ABL1: variants seen among roughly 807,000 people sequenced by gnomAD.
ABL1 encodes tyrosine-protein kinase ABL1.
Under a neutral mutation model 94.7 loss-of-function variants are expected in ABL1, and 11 were observed. That is an observed-to-expected ratio of 0.12 (90% CI 0.07 to 0.19). ABL1 has a LOEUF of 0.19. ABL1 is among the 10% of genes least tolerant of loss of function. The probability of loss-of-function intolerance (pLI) is 1.00; values close to 1 mark genes in which losing one functional copy is unlikely to be tolerated. For synonymous variants in ABL1, 656 were observed against 622.4 expected (o/e 1.05, Z -0.80); for missense variants, 1,082 against 1,489.4 (o/e 0.73, Z 4.50).
intron 1 of ABL1, among the ~76,000 whole-genome samples, chr9:130,716,072 CTTTTTT>C (rs71389339): frequency 1.7e-3 from 156 of 91,108 alleles, no homozygotes; most frequent in African/African-American, 5.2e-3. Context: ...GAAAAATGTC[CTTTTTT>C]TTTTTTTTTT....
chr9:130,864,922 T>G (rs775347524), intron 4 of ABL1, among the ~76,000 whole-genome samples: 7 of 152,186 alleles, frequency 4.6e-5, no homozygotes, highest in Non-Finnish European at 7.3e-5. Context: ...TTTCAACCAG[T>G]AAAAGCTTGT....
chr9:130,883,655 C>G (rs778004395), intron 10 of ABL1, among the ~76,000 whole-genome samples: 2 of 152,230 alleles, frequency 1.3e-5, no homozygotes, highest in South Asian at 4.2e-4. Flanking sequence ...AAAACGATGA[C>G]AAGGCCAAGC....
rs774292059 is a variant in ABL1, at chr9:130,854,159, A to C, written c.175A>C (p.Ser59Arg). 1 of 1,614,200 alleles carries C rather than the reference A, an allele frequency of 6.2e-7. No homozygotes were observed. Among genetic ancestry groups the C allele is most frequent in the South Asian group, 1.1e-5 (1 of 91,078 alleles). Residue 59 changes from serine (S) to arginine (R), a missense_variant, in exon 2 of 11, where the codon AGT becomes CGT. Ser to Arg is a moderately radical substitution (Grantham distance 110, BLOSUM62 -1). Transcript: ENST00000318560. ...CAAGGAAAACCTTCTCGCTGGACCCAGTGAAAATGACCCCAACCTTTTCGT... is the reference window on the plus strand; with the variant it reads ...CAAGGAAAACCTTCTCGCTGGACCCCGTGAAAATGACCCCAACCTTTTCGT... ...NSKENLLAGP[S>R]ENDPNLFVAL... is the part of the protein sequence containing the mutation.
At chr9:130,774,782 G>T (rs960379526) in intron 1 of ABL1, among the ~76,000 whole-genome samples, 1 of 152,090 alleles carries the variant, frequency 6.6e-6, no homozygotes, top group Non-Finnish European at 1.5e-5. Context: ...GGAGGTTGAA[G>T]CCGAAGCTGA....
rs34603706 is a variant in ABL1 at position 130,785,873 on chromosome 9, A to G, written c.137-68191A>G. Among the ~76,000 whole-genome samples, 1,258 of 144,142 alleles carry G rather than the reference A, an allele frequency of 8.7e-3. 19 individuals are homozygous for G. The highest frequency in any genetic ancestry group is 0.027 in the African/African-American group (1,051 of 38,870). 94.6% of individuals were successfully genotyped at this position (144,142 alleles called of 152,430 possible). ...GGGAGATGGTGGCTGCAGTGAGCTG[A>G]GATCGTGCCACTGCACTCCAGTCTG... On this transcript the variant is annotated intron_variant, in intron 1 of 10. Transcript: ENST00000372348.
At chr9:130,844,755 C>T (rs1588263829) in intron 1 of ABL1, among the ~76,000 whole-genome samples, 1 of 152,072 alleles carries the variant, frequency 6.6e-6, no homozygotes, top group Non-Finnish European at 1.5e-5. Flanking sequence ...GAGCCAAGAT[C>T]GCGCCACCGC....
chr9:130,732,253 T>C, intron 1 of ABL1, among the ~76,000 whole-genome samples: 1 of 152,116 alleles, frequency 6.6e-6, no homozygotes. Flanking sequence ...AGGAACAACA[T>C]AGCCAACAAA....
chr9:130,857,049 G>A (rs966314514), intron 3 of ABL1, among the ~76,000 whole-genome samples: 7 of 152,176 alleles, frequency 4.6e-5, no homozygotes, highest in African/African-American at 7.2e-5. Context: ...TACCCTTACT[G>A]TATGTAACGC....
intron 1 of ABL1, among the ~76,000 whole-genome samples, chr9:130,845,986 C>T (rs999594651): frequency 6.6e-6 from 1 of 152,106 alleles, no homozygotes; most frequent in Non-Finnish European, 1.5e-5. Flanking sequence ...TTACGTCTTT[C>T]CCCCACTGCC....
intron 1 of ABL1, among the ~76,000 whole-genome samples, chr9:130,774,661 A>AAAAAAC (rs1564286706): frequency 6.6e-6 from 1 of 152,082 alleles, no homozygotes; most frequent in Non-Finnish European, 1.5e-5. Context: ...TCATCTGTTA[A>AAAAAAC]AAAAACAAAA....
Position 130,874,900 on chromosome 9 carries a change from A to G in ABL1, c.1118A>G (p.Glu373Gly), listed in dbSNP as rs2133003045. Reference sequence around the variant, plus strand: ...GCTGCCCGAAACTGCCTGGTAGGGGAGAACCACTTGGTGAAGGTAGCTGAT... The same window carrying G: ...GCTGCCCGAAACTGCCTGGTAGGGGGGAACCACTTGGTGAAGGTAGCTGAT... ...DLAARNCLVGENHLVKVADFG... is the reference protein window; with the variant it reads ...DLAARNCLVGGNHLVKVADFG... Residue 373 changes from glutamate to glycine, a missense_variant, in exon 7 of 11, where the codon GAG (glutamate) becomes GGG (glycine). By Grantham distance (98) the Glu-to-Gly change is moderately conservative. This residue lies in a region of ABL1 where 76 missense variants were observed against 177.1 expected (regional missense o/e 0.43). Transcript: ENST00000318560. 3 of 1,614,162 alleles carry G rather than the reference A, an allele frequency of 1.9e-6. No homozygotes were observed. Among genetic ancestry groups the G allele is most frequent in the Non-Finnish European group, 2.5e-6 (3 of 1,180,024 alleles).
At chr9:130,760,024 CTCT>C (rs1465102018) in intron 1 of ABL1, among the ~76,000 whole-genome samples, 4 of 140,634 alleles carry the variant, frequency 2.8e-5, no homozygotes, top group African/African-American at 1.1e-4. Context: ...CCAGGCTGGC[CTCT>C]AACTCCTGGG....
At chr9:130,757,843 G>A (rs1832060896) in intron 1 of ABL1, among the ~76,000 whole-genome samples, 2 of 151,480 alleles carry the variant, frequency 1.3e-5, no homozygotes, top group Admixed American at 1.3e-4. Context: ...GCCCGGCCAG[G>A]CATTTTTTTT....
chr9:130,733,519 C>T (rs943029405), intron 1 of ABL1, among the ~76,000 whole-genome samples: 2 of 151,508 alleles, frequency 1.3e-5, no homozygotes, highest in African/African-American at 4.9e-5. Context: ...CTCCTGCCTC[C>T]GCCTCTCAGG....
chr9:130,725,727 T>C (rs192002535), intron 1 of ABL1, among the ~76,000 whole-genome samples: 20 of 152,024 alleles, frequency 1.3e-4, no homozygotes, highest in Admixed American at 9.8e-4. Context: ...TGTATCAGAA[T>C]TTCTTCTTTT....
At chr9:130,839,977 C>T (rs752012142) in intron 1 of ABL1, among the ~76,000 whole-genome samples, 1 of 152,156 alleles carries the variant, frequency 6.6e-6, no homozygotes, top group African/African-American at 2.4e-5. Flanking sequence ...CTTGGTGTTC[C>T]CATTTCTAAA....
chr9:130,778,283 G>A, intron 1 of ABL1, among the ~76,000 whole-genome samples: 1 of 146,510 alleles, frequency 6.8e-6, no homozygotes, highest in Admixed American at 6.8e-5. Flanking sequence ...GAACCTCTCA[G>A]GGCTTTGTGT....
chr9:130,885,416 C>T lies in ABL1; in HGVS notation c.3126C>T (p.Ala1042=), dbSNP rs767958727. The T allele has an allele frequency of 2.5e-6, 4 of 1,613,712 alleles. 1 individual carries two copies. The South Asian group carries it at 4.4e-5, about 18-fold the overall frequency. The change falls in exon 11 of 11, where the codon GCC becomes GCT. Residue 1042 remains alanine (A), a synonymous_variant. Transcript: ENST00000318560. ...VLDSTEALCL[A]ISRNSEQMAS... ...ACAGCACCGAGGCGCTGTGCCTCGC[C>T]ATCTCTAGGAACTCCGAGCAGATGG...
chr9:130,725,383 T>G (rs927191289), intron 1 of ABL1, among the ~76,000 whole-genome samples: 1 of 152,128 alleles, frequency 6.6e-6, no homozygotes, highest in Non-Finnish European at 1.5e-5. Flanking sequence ...TTTGTTTGTT[T>G]GTTTGTTTGT....
Sources: allele counts gnomAD v4.1 joint callset (sites outside exome capture counted in the v4.1 genomes callset), GRCh38; gene constraint gnomAD v4.1.1; regional missense constraint gnomAD v4.1.1; transcripts MANE v1.5; gene names NCBI Gene and HGNC (gene_info 2026-07-23, HGNC 2026-07-21).